HEPHL1: variants seen among roughly 807,000 people sequenced by gnomAD.
The protein encoded by HEPHL1 is ferroxidase HEPHL1.
A neutral mutation model predicts 122.0 loss-of-function variants in HEPHL1; 123 were observed. That is an observed-to-expected ratio of 1.01 (90% confidence interval 0.87 to 1.17). The LOEUF is 1.17. Ranked by LOEUF, HEPHL1 falls within the 50% of genes most tolerant of loss-of-function variation. The probability of loss-of-function intolerance (pLI) is 0.00; values close to 1 mark genes in which losing one functional copy is unlikely to be tolerated. For missense variants in HEPHL1, 1,452 were observed against 1,430.5 expected (o/e 1.01, Z -0.24); for synonymous variants, 527 against 508.9 (o/e 1.04, Z -0.48).
Position 94,101,229 on chromosome 11 carries a change from C to A in HEPHL1, c.2469C>A (p.Val823=), listed in dbSNP as rs546826637. The A allele has an allele frequency of 6.7e-5, 108 of 1,613,974 alleles. 2 individuals are homozygous for A. The South Asian group carries it at 1.1e-3, about 17-fold the overall frequency. ...TTCATGCTGAGGTGGGCAACACCGT[C>A]CTGATCATATTTAAGAACAAAGCCA... ...PMIHAEVGNT[V]LIIFKNKASR... Residue 823 remains valine, a synonymous_variant, in exon 14 of 20, where the codon GTC becomes GTA. Coordinates refer to ENST00000315765, the MANE Select transcript of HEPHL1 (RefSeq NM_001098672.2).
intron 13 of HEPHL1, among the ~76,000 whole-genome samples, chr11:94,099,913 C>G (rs953778789): frequency 6.6e-6 from 1 of 152,154 alleles, no homozygotes; most frequent in African/African-American, 2.4e-5. Flanking sequence ...CCATCTGTCA[C>G]AGCTTCCCTT....
rs762620872 is a variant in HEPHL1, at chr11:94,085,960, TTTC to T, written c.1868-10_1868-8del. Reference sequence around the variant, plus strand: ...TACACACTGATAATTTTTCACCGTCTTTCTTCTTCCATTTAGCTGTTAACGGCT... The same window carrying T: ...TACACACTGATAATTTTTCACCGTCTTTCTTCCATTTAGCTGTTAACGGCT... On this transcript the variant is annotated splice_polypyrimidine_tract_variant and intron_variant, in intron 10 of 19. Transcript: ENST00000315765. 1 of 1,600,584 alleles carries T rather than the reference TTTC, an allele frequency of 6.2e-7. No individual in the cohort carries two copies. The highest frequency in any genetic ancestry group is 1.3e-5 in the African/African-American group (1 of 74,612).
rs751199344 is a variant in HEPHL1, at chr11:94,104,737, C to T, written c.2892C>T (p.Ser964=). The T allele has an allele frequency of 2.5e-6, 4 of 1,611,342 alleles. No homozygotes were observed. The highest frequency in any genetic ancestry group is 2.5e-6 in the Non-Finnish European group (3 of 1,177,586). ...AGCGCACTGATGATTTTGAGGAAAG[C>T]AACAGAATGCATGGTATATCCAAAG... ...DFKRTDDFEE[S]NRMHAINGKI... is the part of the protein sequence containing the mutation. The change falls in exon 16 of 20, where the codon AGC becomes AGT. Residue 964 remains serine (S), a synonymous_variant. Coordinates refer to ENST00000315765, the MANE Select transcript of HEPHL1 (RefSeq NM_001098672.2).
intron 10 of HEPHL1, among the ~76,000 whole-genome samples, chr11:94,084,553 G>A (rs1946200336): frequency 6.6e-6 from 1 of 152,038 alleles, no homozygotes; most frequent in African/African-American, 2.4e-5. Flanking sequence ...ACAATGCTTT[G>A]TGTTGTGTTT....
intron 1 of HEPHL1, among the ~76,000 whole-genome samples, chr11:94,032,444 T>C (rs1370580850): frequency 1.3e-5 from 2 of 152,228 alleles, no homozygotes; most frequent in Non-Finnish European, 2.9e-5. Context: ...CTTTTAAACC[T>C]TGCTGCGCTC....
chr11:94,030,662 A>T (rs534957046), intron 1 of HEPHL1, among the ~76,000 whole-genome samples: 1 of 152,350 alleles, frequency 6.6e-6, no homozygotes, highest in South Asian at 2.1e-4. Flanking sequence ...ATTGGCTAGA[A>T]TTATGTCACA....
chr11:94,075,293 T>C lies in HEPHL1; in HGVS notation c.1624T>C (p.Ser542Pro), dbSNP rs1946111622. The stretch of plus-strand genomic sequence containing the variant: ...TCCCTGTCTGACCTATCTTTACTTC[T>C]CAGCAGTTGATCCAATTAAGGACAC... The part of the protein sequence containing the change: ...DPPCLTYLYF[S>P]AVDPIKDTSS... The change falls in exon 9 of 20, where the codon TCA (serine) becomes CCA (proline). Residue 542 changes from serine to proline, a missense_variant. Physicochemically the swap from Ser to Pro is moderately conservative, Grantham distance 74 (BLOSUM62 -1). Transcript: ENST00000315765. The C allele has an allele frequency of 6.2e-7, 1 of 1,613,570 alleles. No individual in the cohort carries two copies. Among genetic ancestry groups the C allele is most frequent in the Non-Finnish European group, 8.5e-7 (1 of 1,179,656 alleles).
rs573252196 is a variant in HEPHL1, at chr11:94,085,037, T to C, written c.1868-940T>C. Among the ~76,000 whole-genome samples, 17 of 152,314 alleles carry C rather than the reference T, an allele frequency of 1.1e-4. No individual in the cohort carries two copies. In the East Asian group the frequency reaches 1.7e-3, roughly 16 times the overall value. On this transcript the variant is annotated intron_variant, in intron 10 of 19. Coordinates refer to ENST00000315765, the MANE Select transcript of HEPHL1 (RefSeq NM_001098672.2). ...TATAACAGAAGGTCACTCATGTGCA[T>C]GATAATAGTTCCTTCCTGCTATAGG...
Position 94,070,486 on chromosome 11 carries a change from T to C in HEPHL1, c.1176T>C (p.Asp392=). The C allele has an allele frequency of 6.2e-7, 1 of 1,611,282 alleles. No homozygotes were observed. Among genetic ancestry groups the C allele is most frequent in the Non-Finnish European group, 8.5e-7 (1 of 1,178,630 alleles). The change falls in exon 6 of 20, where the codon GAT becomes GAC. Residue 392 remains aspartate (D), a synonymous_variant. Transcript: ENST00000315765. ...TAGCAGCTGAAAAAATTCTTTGGGA[T>C]TATGCTCCTCAAGGCTATAACAAAT... ...YFIAAEKILW[D]YAPQGYNKFS...
chr11:94,066,477 C>A (rs1173156336), intron 4 of HEPHL1, among the ~76,000 whole-genome samples: 1 of 151,572 alleles, frequency 6.6e-6, no homozygotes, highest in Non-Finnish European at 1.5e-5. Context: ...TCTTTTGAAC[C>A]CAGGAGACAG....
intron 16 of HEPHL1, among the ~76,000 whole-genome samples, chr11:94,105,329 C>G (rs566452083): frequency 6.6e-6 from 1 of 152,258 alleles, no homozygotes; most frequent in South Asian, 2.1e-4. Flanking sequence ...GCCTGATTCC[C>G]CATTCAGCTA....
intron 2 of HEPHL1, among the ~76,000 whole-genome samples, chr11:94,054,213 T>C: frequency 6.6e-6 from 1 of 152,202 alleles, no homozygotes; most frequent in East Asian, 1.9e-4. Flanking sequence ...GAACACAGGA[T>C]GTACACATCT....
Position 94,104,751 on chromosome 11 carries a change from G to T in HEPHL1, c.2905+1G>T, listed in dbSNP as rs1338218466. The T allele has an allele frequency of 3.7e-6, 6 of 1,606,026 alleles. No homozygotes were observed. Among genetic ancestry groups the T allele is most frequent in the Non-Finnish European group, 5.1e-6 (6 of 1,173,616 alleles). On this transcript the variant is annotated splice_donor_variant, in intron 16 of 19. Transcript: ENST00000315765. LOFTEE classifies it high-confidence loss of function. ...TTTGAGGAAAGCAACAGAATGCATG[G>T]TATATCCAAAGTTTAAAAAGAAGCC...
At chr11:94,110,757 A>AT (rs1946441663) in intron 17 of HEPHL1, 146 bp from the exon 18 acceptor site, 1 of 612,868 alleles carries the variant, frequency 1.6e-6, no homozygotes, top group African/African-American at 1.9e-5. Context: ...ACTTATCTCT[A>AT]TTGTACTTCT....
intron 16 of HEPHL1, among the ~76,000 whole-genome samples, chr11:94,105,735 TAAAC>T (rs1256639773): frequency 2.6e-5 from 4 of 152,296 alleles, no homozygotes; most frequent in Non-Finnish European, 4.4e-5. Flanking sequence ...TTATGCTGAA[TAAAC>T]AAACAAAACA....
intron 1 of HEPHL1, among the ~76,000 whole-genome samples, chr11:94,042,891 A>AAAAAAAAAAAAAAAC (rs762818935): frequency 5.4e-5 from 8 of 149,058 alleles, no homozygotes; most frequent in East Asian, 4.4e-4. Context: ...AAAAAAAAAA[A>AAAAAAAAAAAAAAAC]AACTGCATGA....
rs888999462 is a variant in HEPHL1, at chr11:94,076,790, G to A, written c.1716+1405G>A. 3.3e-5 allele frequency among the ~76,000 whole-genome samples: 5 copies of A among 152,072 alleles called. No individual in the cohort carries two copies. In the East Asian group the frequency reaches 9.6e-4, roughly 29 times the overall value. ...TAGGCAGGTGGAGAGATGAAAATGG[G>A]AATAAGTGTTTGCGTCTCTTTCCAG... On this transcript the variant is annotated intron_variant, in intron 9 of 19. Transcript: ENST00000315765.
At position 94,113,971 on chromosome 11, in the gene HEPHL1, GAA is replaced by G. The variant is rs1242849219; in HGVS notation, c.*2080_*2081del. Among the ~76,000 whole-genome samples, 1 of 152,130 alleles carries G rather than the reference GAA, an allele frequency of 6.6e-6. No homozygotes were observed. The highest frequency in any genetic ancestry group is 1.5e-5 in the Non-Finnish European group (1 of 68,030). On this transcript the variant is annotated 3_prime_UTR_variant, in exon 20 of 20. Transcript: ENST00000315765. ...TCCTTGTTCTCAGCCTCACTCTTGA[GAA>G]AATCAACTCTGCCTTCACTTACACA...
Position 94,113,258 on chromosome 11 carries a change from C to T in HEPHL1, c.*1364C>T, listed in dbSNP as rs1326451721. 2.0e-5 allele frequency: 3 copies of T among 152,146 alleles called. No individual in the cohort carries two copies. The highest frequency in any genetic ancestry group is 6.5e-5 in the Admixed American group (1 of 15,280). 9.4% of individuals were successfully genotyped at this position (152,146 alleles called of 1,614,324 possible). ...CTCTGGGCGAGATGCCCTGAGATTC[C>T]AATGCCAATGCTAGATGAGTGATAC... On this transcript the variant is annotated 3_prime_UTR_variant, in exon 20 of 20. Transcript: ENST00000315765.
Sources: allele counts gnomAD v4.1 joint callset (sites outside exome capture counted in the v4.1 genomes callset), GRCh38; gene constraint gnomAD v4.1.1; transcripts MANE v1.5; gene names NCBI Gene and HGNC (gene_info 2026-07-23, HGNC 2026-07-21).